The following MECOM variants were observed in gnomAD, a reference collection of about 807,000 sequenced individuals.
The protein encoded by MECOM is histone-lysine N-methyltransferase MECOM.
In MECOM, 13 loss-of-function variants were observed where a neutral mutation model predicts 116.3. The observed-to-expected ratio is 0.11, with a 90% CI of 0.07 to 0.18. MECOM has a LOEUF of 0.18. Ranked by LOEUF, MECOM falls within the 10% of genes least tolerant of loss-of-function variation. MECOM has a pLI of 1.00. For synonymous variants in MECOM, 528 were observed against 535.2 expected (o/e 0.99, Z 0.19); for missense variants, 1,299 against 1,509.0 (o/e 0.86, Z 2.31).
intron 2 of MECOM, among the ~76,000 whole-genome samples, chr3:169,211,282 G>T (rs1750698917): frequency 1.3e-5 from 2 of 152,016 alleles, no homozygotes; most frequent in African/African-American, 2.4e-5. Context: ...ATACCCTGAG[G>T]CCTTGGACAT....
chr3:169,280,000 A>G (rs1264817133), intron 2 of MECOM, among the ~76,000 whole-genome samples: 4 of 152,336 alleles, frequency 2.6e-5, no homozygotes, highest in East Asian at 3.9e-4. Context: ...TCAGAAATGA[A>G]CAGCAGTCTC....
At chr3:169,138,844 T>C (rs1017975491) in intron 3 of MECOM, among the ~76,000 whole-genome samples, 3 of 152,088 alleles carry the variant, frequency 2.0e-5, no homozygotes, top group Non-Finnish European at 4.4e-5. Context: ...TGCAGGAAAG[T>C]GGATTTTTTT....
intron 4 of MECOM, among the ~76,000 whole-genome samples, chr3:169,129,345 T>A (rs1011459956): frequency 6.6e-6 from 1 of 151,890 alleles, no homozygotes; most frequent in Non-Finnish European, 1.5e-5. Context: ...TTTATAAGTC[T>A]ATGCTAAGAA....
At chr3:169,379,306 C>A (rs189906153) in intron 2 of MECOM, among the ~76,000 whole-genome samples, 11 of 151,904 alleles carry the variant, frequency 7.2e-5, no homozygotes, top group Non-Finnish European at 1.5e-4. Flanking sequence ...GAAGGGTAAT[C>A]GTTAAAATGA....
intron 1 of MECOM, among the ~76,000 whole-genome samples, chr3:169,471,424 C>A (rs1180495030): frequency 1.3e-5 from 2 of 150,332 alleles, no homozygotes; most frequent in Admixed American, 1.3e-4. Flanking sequence ...TCCTACCTAG[C>A]AAGCATTGAA....
intron 14 of MECOM, 87 bp from the exon 15 acceptor site, chr3:169,090,323 A>AGT (rs1719274462): frequency 8.2e-7 from 1 of 1,223,814 alleles, no homozygotes; most frequent in South Asian, 1.5e-5. Context: ...TCCCAACAAC[A>AGT]GTTTAGATTT....
chr3:169,194,693 C>T (rs537577270), intron 2 of MECOM, among the ~76,000 whole-genome samples: 4 of 151,934 alleles, frequency 2.6e-5, no homozygotes, highest in Non-Finnish European at 5.9e-5. Flanking sequence ...TGAGTGTTAC[C>T]GCTGAAATCA....
At chr3:169,436,441 G>C (rs1253827082) in intron 1 of MECOM, among the ~76,000 whole-genome samples, 2 of 151,886 alleles carry the variant, frequency 1.3e-5, no homozygotes, top group Non-Finnish European at 2.9e-5. Flanking sequence ...TTAGAGACGG[G>C]GTTTCTCTGT....
chr3:169,488,372 C>CAAAAAAAAAAAAA (rs758493062), intron 1 of MECOM, among the ~76,000 whole-genome samples: 4 of 62,390 alleles, frequency 6.4e-5, no homozygotes, highest in African/African-American at 1.1e-4. Context: ...ACTAAAAATA[C>CAAAAAAAAAAAAA]AAAAAAAAAA....
intron 10 of MECOM, among the ~76,000 whole-genome samples, chr3:169,104,471 T>C (rs1483987607): frequency 6.6e-6 from 1 of 152,192 alleles, no homozygotes; most frequent in Non-Finnish European, 1.5e-5. Flanking sequence ...TGATTAGTAC[T>C]ACTAACAAGC....
chr3:169,091,847 TA>T (rs1719836292), intron 14 of MECOM, among the ~76,000 whole-genome samples: 1 of 84,208 alleles, frequency 1.2e-5, no homozygotes, highest in Non-Finnish European at 2.9e-5. Flanking sequence ...TTACATAAAA[TA>T]ATTAATTTTG....
chr3:169,364,704 C>T (rs1448414939), intron 2 of MECOM, among the ~76,000 whole-genome samples: 1 of 152,032 alleles, frequency 6.6e-6, no homozygotes, highest in Non-Finnish European at 1.5e-5. Flanking sequence ...TCATCACCTG[C>T]CTTTCCAGAT....
chr3:169,527,142 G>A (rs6444858), intron 1 of MECOM, among the ~76,000 whole-genome samples: 2 of 152,004 alleles, frequency 1.3e-5, no homozygotes, highest in Non-Finnish European at 2.9e-5. Context: ...TGGATATTTC[G>A]AACCAACCTA....
At chr3:169,542,393 T>C (rs1182996702) in intron 1 of MECOM, among the ~76,000 whole-genome samples, 1 of 151,954 alleles carries the variant, frequency 6.6e-6, no homozygotes, top group African/African-American at 2.4e-5. Context: ...AATAACATCA[T>C]AATGGCAGAA....
intron 1 of MECOM, among the ~76,000 whole-genome samples, chr3:169,655,229 G>T (rs1267694656): frequency 1.3e-5 from 2 of 152,086 alleles, no homozygotes; most frequent in Admixed American, 1.3e-4. Context: ...ACTCCCTCTT[G>T]TTCTGAAATA....
chr3:169,277,734 G>A (rs888547101), intron 2 of MECOM, among the ~76,000 whole-genome samples: 18 of 152,116 alleles, frequency 1.2e-4, no homozygotes, highest in Admixed American at 6.5e-5. Context: ...GTTTCCTCTT[G>A]GTTCACTGTT....
chr3:169,425,310 G>A (rs1918970), intron 1 of MECOM, among the ~76,000 whole-genome samples: 3,069 of 152,150 alleles, frequency 0.02, 46 homozygotes, highest in Non-Finnish European at 0.031. Context: ...ACGAGAAAAC[G>A]GAGCTATGAT....
intron 1 of MECOM, among the ~76,000 whole-genome samples, chr3:169,575,321 A>ATC (rs1764362467): frequency 6.6e-6 from 1 of 152,306 alleles, no homozygotes; most frequent in African/African-American, 2.4e-5. Context: ...AATCTAAGCC[A>ATC]TCTGTCTTTC....
At chr3:169,216,813 G>T (rs1413356798) in intron 2 of MECOM, among the ~76,000 whole-genome samples, 1 of 151,888 alleles carries the variant, frequency 6.6e-6, no homozygotes, top group Non-Finnish European at 1.5e-5. Flanking sequence ...AATACTGTAG[G>T]TAGCTCAATA....
Sources: allele counts gnomAD v4.1 joint callset (sites outside exome capture counted in the v4.1 genomes callset), GRCh38; gene constraint gnomAD v4.1.1; transcripts MANE v1.5; gene names NCBI Gene and HGNC (gene_info 2026-07-23, HGNC 2026-07-21).